Variants in PRKCE observed in about 807,000 individuals in gnomAD.
PRKCE encodes the protein protein kinase C epsilon.
PRKCE carries 16 observed loss-of-function variants against 85.4 expected under a neutral mutation model. The observed-to-expected ratio is 0.19, with a 90% CI of 0.13 to 0.28. The LOEUF is 0.28. Among genes scored for constraint, PRKCE ranks in the 10% least tolerant of loss-of-function variants. The pLI is 1.00. For synonymous variants in PRKCE, 388 were observed against 371.5 expected (o/e 1.04, Z -0.51); for missense variants, 573 against 975.2 (o/e 0.59, Z 5.49).
At chr2:46,111,538 G>A (rs1672255789) in intron 11 of PRKCE, among the ~76,000 whole-genome samples, 1 of 152,072 alleles carries the variant, frequency 6.6e-6, no homozygotes, top group Admixed American at 6.5e-5. Context: ...CACTTACCTA[G>A]TTTCCTTTTA....
intron 1 of PRKCE, among the ~76,000 whole-genome samples, chr2:45,799,339 T>C (rs1313001040): frequency 6.6e-6 from 1 of 152,124 alleles, no homozygotes; most frequent in African/African-American, 2.4e-5. Context: ...ATATTCAAAG[T>C]GTATAAAAAT....
chr2:45,741,838 G>C (rs1211550870), intron 1 of PRKCE, among the ~76,000 whole-genome samples: 1 of 152,212 alleles, frequency 6.6e-6, no homozygotes, highest in Non-Finnish European at 1.5e-5. Flanking sequence ...AGTCCTCTCA[G>C]TGGGCATGTG....
intron 6 of PRKCE, among the ~76,000 whole-genome samples, chr2:45,994,696 A>G (rs1704079936): frequency 6.6e-6 from 1 of 152,180 alleles, no homozygotes; most frequent in Non-Finnish European, 1.5e-5. Flanking sequence ...ACTAAAGGAC[A>G]TTTTGCTTGC....
chr2:46,106,388 G>A (rs994499114), intron 11 of PRKCE, among the ~76,000 whole-genome samples: 2 of 152,164 alleles, frequency 1.3e-5, no homozygotes, highest in African/African-American at 4.8e-5. Context: ...CAGTATATAT[G>A]CATAGAATTG....
At chr2:46,062,452 C>T (rs1667235927) in intron 10 of PRKCE, among the ~76,000 whole-genome samples, 1 of 152,022 alleles carries the variant, frequency 6.6e-6, no homozygotes, top group Non-Finnish European at 1.5e-5. Context: ...GTGCCAAGAA[C>T]ACTCTTTTGT....
At chr2:46,046,138 A>G (rs1708508840) in intron 10 of PRKCE, among the ~76,000 whole-genome samples, 1 of 152,182 alleles carries the variant, frequency 6.6e-6, no homozygotes, top group African/African-American at 2.4e-5. Flanking sequence ...ACCCAGTGGG[A>G]TGGCTGGGAT....
chr2:45,965,094 A>G (rs1013567792), intron 2 of PRKCE, among the ~76,000 whole-genome samples: 1 of 152,206 alleles, frequency 6.6e-6, no homozygotes, highest in Non-Finnish European at 1.5e-5. Context: ...CTCCTCTCAG[A>G]CGTTTCTGAT....
At chr2:45,868,825 G>A (rs1458473068) in intron 2 of PRKCE, among the ~76,000 whole-genome samples, 13 of 151,414 alleles carry the variant, frequency 8.6e-5, no homozygotes, top group Non-Finnish European at 1.6e-4. Flanking sequence ...AGGCATGGTG[G>A]TGCATGCCTG....
intron 2 of PRKCE, among the ~76,000 whole-genome samples, chr2:45,873,722 C>A (rs1694266626): frequency 6.6e-6 from 1 of 152,200 alleles, no homozygotes; most frequent in South Asian, 2.1e-4. Flanking sequence ...TCCCATGTTC[C>A]AGGAGACAGC....
At position 46,096,827 on chromosome 2, in the gene PRKCE, C is replaced by T. The variant is rs114931061; in HGVS notation, c.1592+10465C>T. On this transcript the variant is annotated intron_variant, in intron 11 of 14. Coordinates refer to ENST00000306156, the MANE Select transcript of PRKCE (RefSeq NM_005400.3). ...TAATGCTGGGCAAATGACCTCATCT[C>T]TCTGAGCCACAGTTTCCTCATCTGT... Among the ~76,000 whole-genome samples, 1,024 of 152,316 alleles carry T rather than the reference C, an allele frequency of 6.7e-3. 14 individuals are homozygous for T. Among genetic ancestry groups the T allele is most frequent in the African/African-American group, 0.023 (976 of 41,556 alleles).
At chr2:46,084,249 G>A (rs1173607591) in intron 10 of PRKCE, among the ~76,000 whole-genome samples, 1 of 152,206 alleles carries the variant, frequency 6.6e-6, no homozygotes, top group African/African-American at 2.4e-5. Flanking sequence ...ACTGGAGTGG[G>A]GGTGAAGGTA....
Position 46,185,222 on chromosome 2 carries a change from G to C in PRKCE, c.*341G>C. 4.4e-6 allele frequency: 1 copy of C among 227,356 alleles called. No individual in the cohort carries two copies. The highest frequency in any genetic ancestry group is 8.5e-6 in the Non-Finnish European group (1 of 116,968). 14.1% of individuals were successfully genotyped at this position (227,356 alleles called of 1,614,324 possible). A position where few individuals can be genotyped will look rare whatever the true frequency, so the allele number is the denominator to read the frequency against. ...TTCAGTTCTTTTACTGCAAAGAACA[G>C]AAAAAAGAAAGAAAGCAAACAAGAA... is the stretch of plus-strand genomic sequence containing the variant. On this transcript the variant is annotated 3_prime_UTR_variant, in exon 15 of 15. Transcript: ENST00000306156. The surrounding 1 kb of genome is among the most constrained non-coding windows in gnomAD (Gnocchi z 4.7).
At chr2:46,033,747 T>C (rs1022064445) in intron 10 of PRKCE, among the ~76,000 whole-genome samples, 2 of 152,120 alleles carry the variant, frequency 1.3e-5, no homozygotes, top group African/African-American at 2.4e-5. Flanking sequence ...CAGTGCAGGA[T>C]TCGATAGAAT....
intron 1 of PRKCE, among the ~76,000 whole-genome samples, chr2:45,663,306 A>G (rs1345056278): frequency 1.3e-5 from 2 of 152,236 alleles, no homozygotes; most frequent in African/African-American, 2.4e-5. Context: ...CAAGTGGGCC[A>G]TTCGGAAAAT....
intron 2 of PRKCE, among the ~76,000 whole-genome samples, chr2:45,852,936 C>A (rs1259617663): frequency 6.6e-6 from 1 of 152,116 alleles, no homozygotes; most frequent in Non-Finnish European, 1.5e-5. Flanking sequence ...CTAACCAGCT[C>A]CCAGGAGATG....
intron 10 of PRKCE, among the ~76,000 whole-genome samples, chr2:46,024,065 C>A (rs1350889419): frequency 6.6e-6 from 1 of 152,196 alleles, no homozygotes. Flanking sequence ...ATAGAAACCT[C>A]ATTTTGTCTG....
At chr2:46,047,295 A>G (rs1671489283) in intron 10 of PRKCE, among the ~76,000 whole-genome samples, 2 of 152,234 alleles carry the variant, frequency 1.3e-5, no homozygotes, top group South Asian at 4.1e-4. Flanking sequence ...CAGTTGGCCA[A>G]GGGAACCCGA....
At chr2:45,885,741 C>T (rs976129548) in intron 2 of PRKCE, among the ~76,000 whole-genome samples, 11 of 152,188 alleles carry the variant, frequency 7.2e-5, no homozygotes, top group African/African-American at 2.4e-4. Context: ...CCTATGATTT[C>T]ATATTGCAGT....
intron 1 of PRKCE, among the ~76,000 whole-genome samples, chr2:45,698,632 T>C (rs629772): frequency 0.48 from 72,360 of 151,302 alleles, 18,507 homozygotes; most frequent in South Asian, 0.61. Context: ...GGGGGAGGGG[T>C]GTCAGCAATG....
Sources: allele counts gnomAD v4.1 joint callset (sites outside exome capture counted in the v4.1 genomes callset), GRCh38; gene constraint gnomAD v4.1.1; non-coding constraint Gnocchi (gnomAD v3.1); transcripts MANE v1.5; gene names NCBI Gene and HGNC (gene_info 2026-07-23, HGNC 2026-07-21).